The following SHISAL1 variants were observed in gnomAD, a reference collection of about 807,000 sequenced individuals.
The protein encoded by SHISAL1 is shisa like 1, also known as protein shisa-like-1.
SHISAL1 carries 9 observed loss-of-function variants against 22.6 expected under a neutral mutation model. The observed-to-expected ratio is 0.40, with a 90% CI of 0.24 to 0.70. The LOEUF is 0.70. Among genes scored for constraint, SHISAL1 ranks in the 30% least tolerant of loss-of-function variants. SHISAL1 has a pLI of 0.39. For synonymous variants in SHISAL1, 119 were observed against 115.4 expected (o/e 1.03, Z -0.20); for missense variants, 246 against 270.6 (o/e 0.91, Z 0.64).
chr22:44,287,785 C>G (rs922584725), intron 3 of SHISAL1, among the ~76,000 whole-genome samples: 2 of 152,148 alleles, frequency 1.3e-5, no homozygotes, highest in Non-Finnish European at 2.9e-5. Flanking sequence ...GGGTAGATGT[C>G]CATGTAGACC....
intron 3 of SHISAL1, among the ~76,000 whole-genome samples, chr22:44,286,156 C>T (rs1304813463): frequency 6.6e-6 from 1 of 152,202 alleles, no homozygotes; most frequent in Non-Finnish European, 1.5e-5. Context: ...CCTTTGCCTA[C>T]ATTGTTCCTG....
intron 4 of SHISAL1, among the ~76,000 whole-genome samples, chr22:44,265,645 T>A (rs1273324828): frequency 6.6e-6 from 1 of 152,140 alleles, no homozygotes; most frequent in Non-Finnish European, 1.5e-5. Context: ...ACTTGTGGGG[T>A]AACTTGTTAC....
chr22:44,250,018 G>A (rs116350935), intron 4 of SHISAL1, among the ~76,000 whole-genome samples: 13 of 152,170 alleles, frequency 8.5e-5, no homozygotes, highest in African/African-American at 3.1e-4. Flanking sequence ...TAGTAGAATG[G>A]AGAGTGCAGA....
intron 4 of SHISAL1, among the ~76,000 whole-genome samples, chr22:44,261,803 T>G (rs879862483): frequency 6.6e-6 from 1 of 152,222 alleles, no homozygotes; most frequent in Non-Finnish European, 1.5e-5. Context: ...CGGAGAGCAC[T>G]CGCCTGCCCT....
chr22:44,297,187 C>T (rs949597176), intron 2 of SHISAL1, among the ~76,000 whole-genome samples: 1 of 152,192 alleles, frequency 6.6e-6, no homozygotes, highest in Non-Finnish European at 1.5e-5. Context: ...AACTGAGCAC[C>T]TACTGTATGC....
intron 3 of SHISAL1, among the ~76,000 whole-genome samples, chr22:44,286,918 T>G (rs113026703): frequency 0.027 from 4,147 of 152,312 alleles, 276 homozygotes; most frequent in Admixed American, 0.17. Flanking sequence ...TGTGTTTGGG[T>G]GGGTGTGCGC....
At chr22:44,309,553 A>G (rs2055503469) in intron 1 of SHISAL1, among the ~76,000 whole-genome samples, 2 of 152,036 alleles carry the variant, frequency 1.3e-5, no homozygotes, top group African/African-American at 4.8e-5. Context: ...TCTCTCTGTT[A>G]CACAGATGGA....
chr22:44,284,468 G>A (rs946238944), intron 4 of SHISAL1, among the ~76,000 whole-genome samples: 2 of 152,106 alleles, frequency 1.3e-5, no homozygotes, highest in African/African-American at 4.8e-5. Flanking sequence ...TCACTGTGCG[G>A]CAAACTCCTG....
the SHISAL1 span, among the ~76,000 whole-genome samples, chr22:44,326,144 G>A: frequency 2.6e-5 from 4 of 151,968 alleles, no homozygotes; most frequent in Non-Finnish European, 2.9e-5. Flanking sequence ...CAATTCTCCC[G>A]ACAAAGGAAA....
upstream of SHISAL1, among the ~76,000 whole-genome samples, chr22:44,317,646 T>C (rs2055566374): frequency 6.6e-6 from 1 of 152,302 alleles, no homozygotes; most frequent in Middle Eastern, 3.4e-3. Flanking sequence ...GCTGTTCCCA[T>C]GGGGGCCGAA....
At chr22:44,307,474 A>G (rs903761332) in intron 1 of SHISAL1, among the ~76,000 whole-genome samples, 16 of 152,190 alleles carry the variant, frequency 1.1e-4, no homozygotes, top group Non-Finnish European at 1.9e-4. Context: ...GACCCCCAGA[A>G]AGCACATTTA....
rs536914230 is a variant in SHISAL1 at position 44,288,365 on chromosome 22, G to T, written c.282-2620C>A. Among the ~76,000 whole-genome samples the T allele has an allele frequency of 4.6e-5, 7 of 152,168 alleles. No individual in the cohort carries two copies. In the South Asian group the frequency reaches 6.2e-4, roughly 14 times the overall value. ...AAAAGCTGCTCCAGGGGCCAGGCGC[G>T]GTGGCTCATGCCTGTAATCCCAGCA... On this transcript the variant is annotated intron_variant, in intron 3 of 4. Coordinates refer to ENST00000381176, the MANE Select transcript of SHISAL1 (RefSeq NM_001099294.2).
chr22:44,291,390 T>C (rs2055351574), intron 3 of SHISAL1, among the ~76,000 whole-genome samples: 1 of 152,232 alleles, frequency 6.6e-6, no homozygotes, highest in Non-Finnish European at 1.5e-5. Flanking sequence ...GTGTCCCCTG[T>C]GTGCTGTGTG....
chr22:44,285,823 T>G (rs1000803463), intron 3 of SHISAL1, 78 bp from the exon 4 acceptor site: 13 of 1,213,782 alleles, frequency 1.1e-5, no homozygotes, highest in Admixed American at 7.2e-5. Flanking sequence ...TGGGGCTGAT[T>G]AGAGAATGTG....
chr22:44,291,280 G>C (rs1312680074), intron 3 of SHISAL1, among the ~76,000 whole-genome samples: 2 of 152,186 alleles, frequency 1.3e-5, no homozygotes, highest in East Asian at 3.9e-4. Flanking sequence ...TGAGCCAAAA[G>C]GAAGCCTTCG....
the SHISAL1 span, among the ~76,000 whole-genome samples, chr22:44,318,507 C>T: frequency 1.3e-5 from 2 of 152,196 alleles, no homozygotes; most frequent in Non-Finnish European, 2.9e-5. Flanking sequence ...ACAGGACGTG[C>T]AGGCTGGCCT....
At position 44,245,867 on chromosome 22, in the gene SHISAL1, G is replaced by A. The variant is rs1239348325; in HGVS notation, c.*3818C>T. 2 of 152,246 alleles carry A rather than the reference G, an allele frequency of 1.3e-5. No individual in the cohort carries two copies. The highest frequency in any genetic ancestry group is 4.8e-5 in the African/African-American group (2 of 41,448). The allele number at this position is 152,246 out of a possible 1,614,324, so 9.4% of individuals were successfully genotyped here. ...GGCCAAAATTTGACTGAATCTTTCTGATGATGAGGGGAGATGCCACTCACC... is the reference window on the plus strand; with the variant it reads ...GGCCAAAATTTGACTGAATCTTTCTAATGATGAGGGGAGATGCCACTCACC... On this transcript the variant is annotated 3_prime_UTR_variant, in exon 5 of 5. Coordinates refer to ENST00000381176, the MANE Select transcript of SHISAL1 (RefSeq NM_001099294.2).
At chr22:44,267,327 G>A (rs112965040) in intron 4 of SHISAL1, among the ~76,000 whole-genome samples, 43 of 152,058 alleles carry the variant, frequency 2.8e-4, no homozygotes, top group Middle Eastern at 3.4e-3. Flanking sequence ...AGCCACAGCC[G>A]CCCCAAGGTC....
the SHISAL1 span, among the ~76,000 whole-genome samples, chr22:44,323,313 T>G: frequency 2.2e-5 from 3 of 134,050 alleles, no homozygotes; most frequent in African/African-American, 8.5e-5. Context: ...CATCCATCCA[T>G]CCATCCACCC....
Sources: gnomAD v4.1 joint callset for allele counts (sites outside exome capture counted in the v4.1 genomes callset) on GRCh38, gnomAD v4.1.1 for gene constraint, MANE v1.5 for transcripts, NCBI Gene and HGNC (gene_info 2026-07-23, HGNC 2026-07-21) for gene names.